The following PITPNM3 variants were observed in gnomAD, a reference collection of about 807,000 sequenced individuals.
PITPNM3 encodes membrane-associated phosphatidylinositol transfer protein 3.
PITPNM3 carries 26 observed loss-of-function variants against 102.0 expected under a neutral mutation model. The ratio of observed to expected loss-of-function variants is 0.25; its 90% CI spans 0.19 to 0.35. The LOEUF (loss-of-function observed/expected upper bound fraction) is 0.35, where lower values mean the gene tolerates loss of function less well. Ranked by LOEUF, PITPNM3 falls within the 10% of genes least tolerant of loss-of-function variation. PITPNM3 has a pLI of 1.00. For synonymous variants in PITPNM3, 578 were observed against 558.6 expected (o/e 1.03, Z -0.49); for missense variants, 1,083 against 1,346.1 (o/e 0.80, Z 3.06).
intron 3 of PITPNM3, among the ~76,000 whole-genome samples, chr17:6,513,761 C>T (rs146961879): frequency 2.3e-3 from 350 of 152,354 alleles, no homozygotes; most frequent in African/African-American, 8.2e-3. Context: ...AAAATCCCCA[C>T]TGGCATTTTT....
chr17:6,483,372 G>T, intron 6 of PITPNM3, 145 bp downstream of exon 6: 2 of 819,562 alleles, frequency 2.4e-6, no homozygotes, highest in East Asian at 2.7e-5. Flanking sequence ...TTCCACCAGG[G>T]ATGCTTGTGT....
At chr17:6,550,062 C>G (rs1910229725) in intron 1 of PITPNM3, among the ~76,000 whole-genome samples, 1 of 152,232 alleles carries the variant, frequency 6.6e-6, no homozygotes. Context: ...TGGAAAGAGC[C>G]TGAAGCTCAT....
chr17:6,485,175 T>G lies in PITPNM3; in HGVS notation c.275-883A>C, dbSNP rs76248037. 3.3e-5 allele frequency among the ~76,000 whole-genome samples: 5 copies of G among 151,400 alleles called. No homozygotes were observed. In the South Asian group the frequency reaches 8.3e-4, roughly 25 times the overall value. On this transcript the variant is annotated intron_variant, in intron 4 of 19. Transcript: ENST00000262483. ...AATTTTCTTTTCTTTTTTTTTTTTT[T>G]TTGATGGAGTTTCACTCTTGTTGCC...
chr17:6,468,422 T>C lies in PITPNM3; in HGVS notation c.1774-81A>G. Reference sequence around the variant, plus strand: ...CCCAGGGTGTCAGTGCCCACCAGCTTGTGGCCAGCTGGGCCCTGCCCCTGC... The same window carrying C: ...CCCAGGGTGTCAGTGCCCACCAGCTCGTGGCCAGCTGGGCCCTGCCCCTGC... On this transcript the variant is annotated intron_variant, in intron 13 of 19. Transcript: ENST00000262483. This position sits in a 1 kb window ranked among gnomAD's most constrained non-coding sequence, Gnocchi z 5.2. The C allele has an allele frequency of 7.2e-7, 1 of 1,389,088 alleles. No individual in the cohort carries two copies. The highest frequency in any genetic ancestry group is 1.2e-5 in the South Asian group (1 of 86,628). The allele number at this position is 1,389,088 out of a possible 1,614,324, so 86.0% of individuals were successfully genotyped here.
Position 6,478,559 on chromosome 17 carries a change from G to A in PITPNM3, c.765C>T (p.Gly255=). 1 of 1,614,062 alleles carries A rather than the reference G, an allele frequency of 6.2e-7. No homozygotes were observed. The highest frequency in any genetic ancestry group is 8.5e-7 in the Non-Finnish European group (1 of 1,180,018). ...CAGGCTGTCCTACCTGCCCACTGAA[G>A]CCAATCCCATCAGAGGACTTCAGGA... ...REFLKSSDGI[G]FSGQVCLIGD... The change falls in exon 7 of 20, where the codon GGC becomes GGT. Residue 255 remains glycine (G), a synonymous_variant. Transcript: ENST00000262483. This position sits in a 1 kb window ranked among gnomAD's most constrained non-coding sequence, Gnocchi z 4.4.
intron 16 of PITPNM3, 90 bp downstream of exon 16, chr17:6,464,080 A>G: frequency 1.3e-6 from 2 of 1,593,000 alleles, no homozygotes; most frequent in Non-Finnish European, 1.7e-6. Context: ...GCCCACAAAG[A>G]ACCCCAAGGA....
intron 1 of PITPNM3, among the ~76,000 whole-genome samples, chr17:6,547,038 T>C (rs1407491803): frequency 6.6e-6 from 1 of 151,702 alleles, no homozygotes; most frequent in Non-Finnish European, 1.5e-5. Flanking sequence ...CTGTACAGCA[T>C]TGCATCCGGT....
intron 18 of PITPNM3, among the ~76,000 whole-genome samples, chr17:6,460,070 G>A (rs971762173): frequency 3.3e-5 from 5 of 152,132 alleles, no homozygotes; most frequent in South Asian, 4.2e-4. Context: ...ATGGCTCCCC[G>A]TGACCCTCAG....
intron 6 of PITPNM3, chr17:6,481,781 T>TA (rs1313002924): frequency 6.8e-6 from 1 of 147,398 alleles, no homozygotes; most frequent in African/African-American, 2.5e-5. Context: ...GATAGATAGA[T>TA]AATGGATGGA....
At chr17:6,534,393 C>T (rs1264256669) in intron 2 of PITPNM3, among the ~76,000 whole-genome samples, 1 of 152,210 alleles carries the variant, frequency 6.6e-6, no homozygotes, top group Non-Finnish European at 1.5e-5. Flanking sequence ...ACCAGAGACC[C>T]CCAGAACCCA....
At chr17:6,531,732 CTGG>C (rs1909157413) in intron 2 of PITPNM3, among the ~76,000 whole-genome samples, 1 of 152,206 alleles carries the variant, frequency 6.6e-6, no homozygotes, top group Non-Finnish European at 1.5e-5. Context: ...TCTCTCCTTG[CTGG>C]GGCTGTGAAC....
At chr17:6,476,879 G>C in intron 9 of PITPNM3, 150 bp downstream of exon 9, 1 of 912,590 alleles carries the variant, frequency 1.1e-6, no homozygotes, top group Non-Finnish European at 1.6e-6. Flanking sequence ...TGGTCCCTCA[G>C]TACAGGGCCG....
In PITPNM3 at chr17:6,455,658, G is replaced by A. The variant is rs373545222; in HGVS notation, c.2620-15C>T. 1 of 1,558,088 alleles carries A rather than the reference G, an allele frequency of 6.4e-7. No individual in the cohort carries two copies. ...TCGCTCAGGAACTGCGGAGGGCAGG[G>A]GAGGGCAGGGGAGGGCAGGGCAGGG... On this transcript the variant is annotated splice_polypyrimidine_tract_variant and intron_variant, in intron 19 of 19. Coordinates refer to ENST00000262483, the MANE Select transcript of PITPNM3 (RefSeq NM_031220.4).
intron 3 of PITPNM3, among the ~76,000 whole-genome samples, chr17:6,509,889 ACTC>A (rs925208327): frequency 2.0e-5 from 3 of 151,930 alleles, no homozygotes; most frequent in Admixed American, 6.6e-5. Context: ...AAGGCCCCTA[ACTC>A]CTCAGCCTGG....
At chr17:6,526,416 G>A (rs761142120) in intron 2 of PITPNM3, among the ~76,000 whole-genome samples, 3 of 152,088 alleles carry the variant, frequency 2.0e-5, no homozygotes, top group Non-Finnish European at 2.9e-5. Flanking sequence ...GCCCTCCCTC[G>A]CAGAACAGAC....
chr17:6,478,773 T>C lies in PITPNM3; in HGVS notation c.588-37A>G. On this transcript the variant is annotated intron_variant, in intron 6 of 19. Transcript: ENST00000262483. The surrounding 1 kb of genome is among the most constrained non-coding windows in gnomAD (Gnocchi z 4.4). Reference sequence around the variant, plus strand: ...GGGCCCAAGGTGAGCCCAGCCAGGATCGGGCAGGTTGGCAGGTTTGGGGCT... The same window carrying C: ...GGGCCCAAGGTGAGCCCAGCCAGGACCGGGCAGGTTGGCAGGTTTGGGGCT... 2.6e-6 allele frequency: 4 copies of C among 1,529,450 alleles called. No homozygotes were observed. Among genetic ancestry groups the C allele is most frequent in the Non-Finnish European group, 3.5e-6 (4 of 1,138,692 alleles). The allele number at this position is 1,529,450 out of a possible 1,614,324, so 94.7% of individuals were successfully genotyped here.
At chr17:6,546,389 G>A (rs2150676304) in intron 1 of PITPNM3, among the ~76,000 whole-genome samples, 1 of 152,362 alleles carries the variant, frequency 6.6e-6, no homozygotes, top group Admixed American at 6.5e-5. Context: ...CATCGGTAAT[G>A]CACTTAAAGA....
Position 6,455,346 on chromosome 17 carries a change from C to T in PITPNM3, c.2917G>A (p.Val973Met). ...TGAGCACAGCCCACCCCTCAGGGCA[C>T]CGACTCGAACTTGGGGGGCCCACGC... ...WARGPPKFES[V>M]P is the part of the protein sequence containing the mutation. Residue 973 changes from valine (V) to methionine (M), a missense_variant, in exon 20 of 20, where the codon GTG (valine) becomes ATG (methionine). Val to Met is a conservative substitution (Grantham distance 21). Transcript: ENST00000262483. 6.3e-7 allele frequency: 1 copy of T among 1,577,256 alleles called. No individual in the cohort carries two copies.
rs139146785 is a variant in PITPNM3 at position 6,498,907 on chromosome 17, G to A, written c.274+4620C>T. On this transcript the variant is annotated intron_variant, in intron 4 of 19. Coordinates refer to ENST00000262483, the MANE Select transcript of PITPNM3 (RefSeq NM_031220.4). Reference sequence around the variant, plus strand: ...GGAAATGGTCACTGTGCTAACTAACGGAGCAGCATGAACAAGGCAGAAACA... The same window carrying A: ...GGAAATGGTCACTGTGCTAACTAACAGAGCAGCATGAACAAGGCAGAAACA... Among the ~76,000 whole-genome samples the A allele has an allele frequency of 3.1e-3, 469 of 152,228 alleles. 1 individual carries two copies. The highest frequency in any genetic ancestry group is 1.0e-2 in the South Asian group (48 of 4,816).
Sources: allele counts gnomAD v4.1 joint callset (sites outside exome capture counted in the v4.1 genomes callset), GRCh38; gene constraint gnomAD v4.1.1; non-coding constraint Gnocchi (gnomAD v3.1); transcripts MANE v1.5; gene names NCBI Gene and HGNC (gene_info 2026-07-23, HGNC 2026-07-21).